Variants in POLR3E observed in about 807,000 individuals in gnomAD.
The protein encoded by POLR3E is RNA polymerase III subunit E.
A neutral mutation model predicts 96.6 loss-of-function variants in POLR3E; 41 were observed. The observed-to-expected ratio is 0.42, with a 90% CI of 0.33 to 0.55. The LOEUF (loss-of-function observed/expected upper bound fraction) is 0.55. Among genes scored for constraint, POLR3E ranks in the 20% least tolerant of loss-of-function variants. POLR3E has a pLI of 0.06. For missense variants in POLR3E, 849 were observed against 952.1 expected, an observed-to-expected ratio of 0.89 and a Z score of 1.43; for synonymous variants, 396 against 383.6, an observed-to-expected ratio of 1.03 and a Z score of -0.38.
intron 1 of POLR3E, 91 bp from the exon 2 acceptor site, chr16:22,302,839 TC>T (rs747491220): frequency 7.5e-5 from 64 of 855,664 alleles, no homozygotes; most frequent in Non-Finnish European, 1.2e-4. Flanking sequence ...GGTTGTGGGC[TC>T]CCCCTCCCAG....
At chr16:22,316,536 G>C (rs561321646) in intron 9 of POLR3E, 65 bp from the exon 10 acceptor site, 11 of 1,303,766 alleles carry the variant, frequency 8.4e-6, no homozygotes, top group African/African-American at 4.4e-5. Context: ...GGAGGCCTTG[G>C]GGGAGGGGGC....
chr16:22,314,358 T>C (rs1271032728), intron 8 of POLR3E, among the ~76,000 whole-genome samples: 1 of 152,148 alleles, frequency 6.6e-6, no homozygotes, highest in African/African-American at 2.4e-5. Context: ...TAGAGTCACC[T>C]GGGAGCAGGA....
chr16:22,319,405 G>GTT (rs756752910), intron 13 of POLR3E, among the ~76,000 whole-genome samples: 2 of 144,682 alleles, frequency 1.4e-5, no homozygotes, highest in Admixed American at 6.9e-5. Flanking sequence ...TTGTTTTTTT[G>GTT]TTTTTTTTTT....
intron 1 of POLR3E, among the ~76,000 whole-genome samples, chr16:22,301,329 C>G (rs1038669863): frequency 4.6e-5 from 7 of 152,264 alleles, no homozygotes; most frequent in Middle Eastern, 3.4e-3. Flanking sequence ...TGCCTGTAAT[C>G]CCAGCACTTT....
In POLR3E at chr16:22,313,556, G is replaced by GACTC. The variant is rs2141763463; in HGVS notation, c.365-63_365-60dup. On this transcript the variant is annotated intron_variant, in intron 6 of 20. Transcript: ENST00000299853. This position sits in a 1 kb window ranked among gnomAD's most constrained non-coding sequence, Gnocchi z 4.1. ...GGCCTAGGCCTTCACGGGACTTGGT[G>GACTC]ACTCTCTTGAGCCAAACTGGGTGGG... 1 of 1,038,990 alleles carries GACTC rather than the reference G, an allele frequency of 9.6e-7. No individual in the cohort carries two copies. Among genetic ancestry groups the GACTC allele is most frequent in the African/African-American group, 1.6e-5 (1 of 63,842 alleles). The allele number at this position is 1,038,990 out of a possible 1,614,324, so 64.4% of individuals were successfully genotyped here. A position where few individuals can be genotyped will look rare whatever the true frequency, so the allele number is the denominator to read the frequency against.
intron 1 of POLR3E, 178 bp from the exon 2 acceptor site, chr16:22,302,753 C>T: frequency 1.6e-6 from 1 of 609,030 alleles, no homozygotes. Context: ...TTCTTTATTT[C>T]TTCTGGCTGA....
chr16:22,323,785 T>G (rs962026733), intron 14 of POLR3E, among the ~76,000 whole-genome samples: 2 of 152,144 alleles, frequency 1.3e-5, no homozygotes, highest in African/African-American at 4.8e-5. Flanking sequence ...CTGTCAGAAC[T>G]GGCGGCTTGG....
intron 6 of POLR3E, among the ~76,000 whole-genome samples, chr16:22,311,134 A>C (rs1301174116): frequency 6.6e-6 from 1 of 151,894 alleles, no homozygotes; most frequent in East Asian, 1.9e-4. Context: ...TGCCCAGCTA[A>C]TTTTTGTATT....
At chr16:22,301,053 G>T (rs372790932) in intron 1 of POLR3E, among the ~76,000 whole-genome samples, 1 of 151,846 alleles carries the variant, frequency 6.6e-6, no homozygotes, top group East Asian at 1.9e-4. Context: ...ATTGAGGGGT[G>T]GGGGAGGCAG....
At position 22,299,103 on chromosome 16, in the gene POLR3E, G is replaced by A. The variant is rs1365277301; in HGVS notation, c.-39+1566G>A. The A allele has an allele frequency of 6.6e-6, 3 of 452,258 alleles. No homozygotes were observed. In the East Asian group the frequency reaches 2.1e-4, roughly 32 times the overall value. 28.0% of individuals were successfully genotyped at this position (452,258 alleles called of 1,614,324 possible). ...AGAGATGTGGTAGGGCCTGGGAGGA[G>A]GCTGGGGGAGGCTTTTAAAATAGGG... On this transcript the variant is annotated intron_variant, in intron 1 of 20. Coordinates refer to ENST00000299853, the MANE Select transcript of POLR3E (RefSeq NM_018119.4).
At chr16:22,310,835 T>C (rs574790771) in intron 6 of POLR3E, among the ~76,000 whole-genome samples, 1 of 152,224 alleles carries the variant, frequency 6.6e-6, no homozygotes, top group Non-Finnish European at 1.5e-5. Flanking sequence ...GGTGGGAGGA[T>C]TGCTTGAGCC....
intron 12 of POLR3E, among the ~76,000 whole-genome samples, chr16:22,317,638 T>TTTGTTGTTG (rs763710808): frequency 3.3e-5 from 5 of 151,112 alleles, no homozygotes; most frequent in African/African-American, 1.2e-4. Context: ...CTAGGGGCTT[T>TTTGTTGTTG]TTGTTGTTGT....
rs1162933051 is a variant in POLR3E, at chr16:22,334,952, C to CT, written c.*1253dup. 2 of 152,208 alleles carry CT rather than the reference C, an allele frequency of 1.3e-5. No individual in the cohort carries two copies. Among genetic ancestry groups the CT allele is most frequent in the East Asian group, 3.8e-4 (2 of 5,204 alleles). The allele number at this position is 152,208 out of a possible 1,614,324, so 9.4% of individuals were successfully genotyped here. On this transcript the variant is annotated 3_prime_UTR_variant, in exon 21 of 21. Coordinates refer to ENST00000299853, the MANE Select transcript of POLR3E (RefSeq NM_018119.4). ...CCCCACTCCCCCCAAAATAAAACAT[C>CT]TAATATTTTAGCTATAGAATCACTA... is the stretch of plus-strand genomic sequence containing the variant.
At chr16:22,317,402 G>A (rs1034123338) in intron 12 of POLR3E, among the ~76,000 whole-genome samples, 196 bp downstream of exon 12, 2 of 152,240 alleles carry the variant, frequency 1.3e-5, no homozygotes, top group Non-Finnish European at 2.9e-5. Context: ...AGGCAGCCCG[G>A]GTTCCCGTGA....
rs558446559 is a variant in POLR3E at position 22,333,859 on chromosome 16, C to G, written c.*159C>G. On this transcript the variant is annotated 3_prime_UTR_variant, in exon 21 of 21. Coordinates refer to ENST00000299853, the MANE Select transcript of POLR3E (RefSeq NM_018119.4). Reference sequence around the variant, plus strand: ...GGTGCAGTGGACAGAAGGGATTATCCTCAGCCAGTCGCAGGGTCAGCTTAA... The same window carrying G: ...GGTGCAGTGGACAGAAGGGATTATCGTCAGCCAGTCGCAGGGTCAGCTTAA... 4 of 579,704 alleles carry G rather than the reference C, an allele frequency of 6.9e-6. No homozygotes were observed. The highest frequency in any genetic ancestry group is 1.3e-5 in the Non-Finnish European group (4 of 317,334). 35.9% of individuals were successfully genotyped at this position (579,704 alleles called of 1,614,324 possible).
Position 22,319,000 on chromosome 16 carries a change from G to GC in POLR3E, c.986+55dup. On this transcript the variant is annotated intron_variant, in intron 13 of 20. Transcript: ENST00000299853. This position sits in a 1 kb window ranked among gnomAD's most constrained non-coding sequence, Gnocchi z 5.0. ...TATTTATTTTTTTCCTTGAGGCAGA[G>GC]CTTCACTCTTGTTGCCCAGGCTGGT... The GC allele has an allele frequency of 1.5e-6, 2 of 1,364,518 alleles. No homozygotes were observed. The highest frequency in any genetic ancestry group is 2.0e-6 in the Non-Finnish European group (2 of 990,466). The allele number at this position is 1,364,518 out of a possible 1,614,324, so 84.5% of individuals were successfully genotyped here.
intron 1 of POLR3E, among the ~76,000 whole-genome samples, chr16:22,300,650 CCT>C (rs2048001964): frequency 6.6e-6 from 1 of 152,210 alleles, no homozygotes; most frequent in Non-Finnish European, 1.5e-5. Context: ...TCTACACTGC[CCT>C]CTGTCTGCAC....
Position 22,315,093 on chromosome 16 carries a change from G to T in POLR3E, c.527G>T (p.Arg176Leu). 6.2e-7 allele frequency: 1 copy of T among 1,613,186 alleles called. No homozygotes were observed. Among genetic ancestry groups the T allele is most frequent in the East Asian group, 2.2e-5 (1 of 44,856 alleles). Residue 176 changes from arginine (R) to leucine (L), a missense_variant, in exon 9 of 21, where the codon CGG becomes CTG. Transcript: ENST00000299853. ...AEDDVKQITV[R>L]FSRPESEQAR... The stretch of plus-strand genomic sequence containing the variant: ...CTCTTCCCCTTCCCACCGCAGGTGC[G>T]GTTCTCCCGGCCGGAGTCAGAGCAG...
In POLR3E at chr16:22,308,086, C is replaced by T. The variant is rs2048171306; in HGVS notation, c.88-62C>T. 3.1e-6 allele frequency: 4 copies of T among 1,297,020 alleles called. No homozygotes were observed. In the East Asian group the frequency reaches 9.3e-5, roughly 30 times the overall value. 80.3% of individuals were successfully genotyped at this position (1,297,020 alleles called of 1,614,324 possible). On this transcript the variant is annotated intron_variant, in intron 3 of 20. Coordinates refer to ENST00000299853, the MANE Select transcript of POLR3E (RefSeq NM_018119.4). Reference sequence around the variant, plus strand: ...TTGGAGATAGCTGTTGATTCTTGGCCAGGGCCCAGCTCTGGGCATGGCTGG... The same window carrying T: ...TTGGAGATAGCTGTTGATTCTTGGCTAGGGCCCAGCTCTGGGCATGGCTGG...
Sources: allele counts gnomAD v4.1 joint callset (sites outside exome capture counted in the v4.1 genomes callset), GRCh38; gene constraint gnomAD v4.1.1; non-coding constraint Gnocchi (gnomAD v3.1); transcripts MANE v1.5; gene names NCBI Gene and HGNC (gene_info 2026-07-23, HGNC 2026-07-21).